Variants in LRFN2 observed in about 807,000 individuals in gnomAD.
LRFN2 encodes the protein leucine-rich repeat and fibronectin type-III domain-containing protein 2.
LRFN2 carries 18 observed loss-of-function variants against 37.3 expected under a neutral mutation model. The ratio of observed to expected loss-of-function variants is 0.48; its 90% CI spans 0.33 to 0.72. The LOEUF (loss-of-function observed/expected upper bound fraction) is 0.72, where lower values mean the gene tolerates loss of function less well. LRFN2 is among the 30% of genes least tolerant of loss of function. The pLI is 0.02. For missense variants in LRFN2, 1,006 were observed against 1,060.7 expected (o/e 0.95, Z 0.72); for synonymous variants, 556 against 466.6 (o/e 1.19, Z -2.47).
rs542837183 is a variant in LRFN2, at chr6:40,400,889, G to C, written c.1401-7977C>G. Among the ~76,000 whole-genome samples the C allele has an allele frequency of 2.0e-5, 3 of 151,846 alleles. No individual in the cohort carries two copies. The South Asian group carries it at 6.2e-4, about 32-fold the overall frequency. On this transcript the variant is annotated intron_variant, in intron 2 of 2. Transcript: ENST00000338305. ...TTGTCAGCTGAATGTGTGGGTATTT[G>C]TGAGTGTGTGCCAGAGTGTAGGTGT...
At chr6:40,427,793 C>T (rs1763389140) in intron 2 of LRFN2, among the ~76,000 whole-genome samples, 1 of 152,326 alleles carries the variant, frequency 6.6e-6, no homozygotes, top group African/African-American at 2.4e-5. Flanking sequence ...TCTGTCCATG[C>T]TATCTCAGAA....
At chr6:40,409,696 T>C (rs1188817492) in intron 2 of LRFN2, among the ~76,000 whole-genome samples, 1 of 152,110 alleles carries the variant, frequency 6.6e-6, no homozygotes, top group Non-Finnish European at 1.5e-5. Context: ...GGACACAGTA[T>C]GTAAGTGGTG....
At chr6:40,505,329 A>G (rs1397842181) in intron 1 of LRFN2, among the ~76,000 whole-genome samples, 1 of 152,174 alleles carries the variant, frequency 6.6e-6, no homozygotes, top group Non-Finnish European at 1.5e-5. Flanking sequence ...TCCTCTAAAT[A>G]TACATTTTCA....
At chr6:40,439,565 T>C (rs1167088459) in intron 1 of LRFN2, among the ~76,000 whole-genome samples, 1 of 152,206 alleles carries the variant, frequency 6.6e-6, no homozygotes, top group Non-Finnish European at 1.5e-5. Context: ...GCCAGCACCA[T>C]GTGCCAGCTC....
chr6:40,458,382 T>C (rs1764278589), intron 1 of LRFN2, among the ~76,000 whole-genome samples: 1 of 152,180 alleles, frequency 6.6e-6, no homozygotes, highest in Admixed American at 6.5e-5. Context: ...GATACTTTTA[T>C]TTTAAAAAAG....
chr6:40,522,343 G>A (rs962612326), intron 1 of LRFN2, among the ~76,000 whole-genome samples: 2 of 152,160 alleles, frequency 1.3e-5, no homozygotes, highest in Non-Finnish European at 2.9e-5. Flanking sequence ...CCCATGGAGT[G>A]AGAAGGCTGA....
intron 1 of LRFN2, among the ~76,000 whole-genome samples, chr6:40,435,052 T>TATATAGAGAGAGAGAG (rs1482968698): frequency 8.0e-5 from 3 of 37,540 alleles, no homozygotes; most frequent in Non-Finnish European, 9.8e-5. Flanking sequence ...TATATATATA[T>TATATAGAGAGAGAGAG]AGAGAGAGAG....
At position 40,398,369 on chromosome 6, in the gene LRFN2, G is replaced by A. The variant is rs148034779; in HGVS notation, c.1401-5457C>T. Reference sequence around the variant, plus strand: ...GGGGCAACCTTACAGGGTGGGCACCGGACAAAGAAGTAGCCGGACCTCACT... The same window carrying A: ...GGGGCAACCTTACAGGGTGGGCACCAGACAAAGAAGTAGCCGGACCTCACT... On this transcript the variant is annotated intron_variant, in intron 2 of 2. Coordinates refer to ENST00000338305, the MANE Select transcript of LRFN2 (RefSeq NM_020737.3). 1.4e-3 allele frequency among the ~76,000 whole-genome samples: 216 copies of A among 151,928 alleles called. 2 individuals carry two copies. Among genetic ancestry groups the A allele is most frequent in the African/African-American group, 4.5e-3 (187 of 41,506 alleles).
At chr6:40,578,182 G>T (rs1049996568) in intron 1 of LRFN2, among the ~76,000 whole-genome samples, 6 of 152,222 alleles carry the variant, frequency 3.9e-5, no homozygotes, top group Non-Finnish European at 8.8e-5. Context: ...GTAGAGGGCA[G>T]CCTGCTTCTC....
chr6:40,424,527 T>G (rs933304834), intron 2 of LRFN2, among the ~76,000 whole-genome samples: 1 of 152,172 alleles, frequency 6.6e-6, no homozygotes, highest in African/African-American at 2.4e-5. Flanking sequence ...ATAAAATGGG[T>G]TTAACGTTAT....
At chr6:40,474,101 G>A (rs1274742143) in intron 1 of LRFN2, among the ~76,000 whole-genome samples, 1 of 152,026 alleles carries the variant, frequency 6.6e-6, no homozygotes, top group Non-Finnish European at 1.5e-5. Context: ...TAGGTATAGT[G>A]GGGGAAACCT....
rs531734912 is a variant in LRFN2 at position 40,477,927 on chromosome 6, A to G, written c.-18-44796T>C. Among the ~76,000 whole-genome samples, 4 of 152,358 alleles carry G rather than the reference A, an allele frequency of 2.6e-5. No homozygotes were observed. The East Asian group carries it at 7.7e-4, about 29-fold the overall frequency. The stretch of plus-strand genomic sequence containing the variant: ...GACAATGCCACAAGATGTTGTTTAC[A>G]TGCACACCGGATGTAACACAGACGC... On this transcript the variant is annotated intron_variant, in intron 1 of 2. Transcript: ENST00000338305.
At chr6:40,455,050 C>T (rs1217319063) in intron 1 of LRFN2, among the ~76,000 whole-genome samples, 2 of 152,174 alleles carry the variant, frequency 1.3e-5, no homozygotes, top group Admixed American at 6.5e-5. Flanking sequence ...CACTTTTGCA[C>T]TGTTCCCATT....
chr6:40,469,608 C>T (rs1488258101), intron 1 of LRFN2, among the ~76,000 whole-genome samples: 3 of 152,186 alleles, frequency 2.0e-5, no homozygotes, highest in Non-Finnish European at 4.4e-5. Flanking sequence ...TTCCCTCTGG[C>T]TCTTGGGTTT....
chr6:40,437,401 C>G (rs759278772), intron 1 of LRFN2, among the ~76,000 whole-genome samples: 1 of 152,112 alleles, frequency 6.6e-6, no homozygotes, highest in East Asian at 1.9e-4. Flanking sequence ...AAGGCCCAGA[C>G]GCTTCCAGAT....
chr6:40,449,303 CA>C (rs1764047526), intron 1 of LRFN2, among the ~76,000 whole-genome samples: 1 of 152,106 alleles, frequency 6.6e-6, no homozygotes, highest in Admixed American at 6.5e-5. Flanking sequence ...AAATTTACAA[CA>C]AAATATACAA....
At chr6:40,394,213 C>G (rs531615726) in intron 2 of LRFN2, among the ~76,000 whole-genome samples, 1 of 152,182 alleles carries the variant, frequency 6.6e-6, no homozygotes, top group East Asian at 1.9e-4. Context: ...CCTTGTTAAG[C>G]CTGGATGCAC....
At chr6:40,451,926 T>G (rs1051728320) in intron 1 of LRFN2, among the ~76,000 whole-genome samples, 1 of 152,100 alleles carries the variant, frequency 6.6e-6, no homozygotes, top group Non-Finnish European at 1.5e-5. Flanking sequence ...AAGAAAGAAA[T>G]GCACAGGCTG....
intron 2 of LRFN2, among the ~76,000 whole-genome samples, chr6:40,411,015 TCC>T (rs1762954185): frequency 6.6e-6 from 1 of 152,196 alleles, no homozygotes; most frequent in African/African-American, 2.4e-5. Context: ...CACACCAGGG[TCC>T]CTGGAGGATG....
Sources: gnomAD v4.1 joint callset for allele counts (sites outside exome capture counted in the v4.1 genomes callset) on GRCh38, gnomAD v4.1.1 for gene constraint, MANE v1.5 for transcripts, NCBI Gene and HGNC (gene_info 2026-07-23, HGNC 2026-07-21) for gene names.